Variants in EYS observed in about 807,000 individuals in gnomAD.
EYS encodes EGF-like photoreceptor maintenance factor, also known as protein eyes shut homolog.
In EYS, 250 loss-of-function variants were observed where a neutral mutation model predicts 282.1. That is an observed-to-expected ratio of 0.89 (90% CI 0.80 to 0.98). EYS has a LOEUF of 0.98. Ranked by LOEUF, EYS falls within the 50% of genes least tolerant of loss-of-function variation. EYS has a pLI of 0.00. For synonymous variants in EYS, 1,355 were observed against 1,282.9 expected, an observed-to-expected ratio of 1.06 and a Z score of -1.20; for missense variants, 4,016 against 3,709.0, an observed-to-expected ratio of 1.08 and a Z score of -2.15.
chr6:65,149,481 T>C (rs567956201), intron 12 of EYS, among the ~76,000 whole-genome samples: 6 of 152,124 alleles, frequency 3.9e-5, no homozygotes, highest in Non-Finnish European at 8.8e-5. Flanking sequence ...AACATGTCTC[T>C]AGGAAGTTCC....
intron 8 of EYS, among the ~76,000 whole-genome samples, chr6:65,369,500 A>G (rs1016510222): frequency 1.3e-5 from 2 of 151,118 alleles, no homozygotes; most frequent in Admixed American, 6.8e-5. Flanking sequence ...ATCTCCTGTT[A>G]TTATGGTCTG....
intron 1 of EYS, among the ~76,000 whole-genome samples, chr6:65,643,051 G>A (rs1308612865): frequency 3.3e-5 from 5 of 152,208 alleles, no homozygotes; most frequent in Admixed American, 1.3e-4. Context: ...TGAAGGAACT[G>A]GATTGCTACT....
At chr6:65,437,437 T>C (rs773434363) in intron 5 of EYS, among the ~76,000 whole-genome samples, 8 of 152,158 alleles carry the variant, frequency 5.3e-5, no homozygotes, top group South Asian at 2.1e-4. Flanking sequence ...TTCTTCAGTA[T>C]GCAGTTTTTT....
intron 13 of EYS, among the ~76,000 whole-genome samples, chr6:65,050,855 T>C (rs1376725801): frequency 6.6e-6 from 1 of 151,718 alleles, no homozygotes; most frequent in Non-Finnish European, 1.5e-5. Flanking sequence ...AGAGTGTCCC[T>C]ATCCAGAAAA....
At chr6:64,481,272 GTGTATATA>G (rs1211741020) in intron 26 of EYS, among the ~76,000 whole-genome samples, 2 of 117,214 alleles carry the variant, frequency 1.7e-5, no homozygotes, top group Admixed American at 8.6e-5. Flanking sequence ...TGGTGTGTGT[GTGTATATA>G]TATATATATA....
chr6:64,432,767 T>C (rs539977464), intron 28 of EYS, among the ~76,000 whole-genome samples: 13 of 152,090 alleles, frequency 8.5e-5, no homozygotes, highest in African/African-American at 2.6e-4. Flanking sequence ...TGGTGTTCAA[T>C]AGTGGAGTGA....
At chr6:65,556,826 G>A (rs1342621946) in intron 2 of EYS, among the ~76,000 whole-genome samples, 1 of 151,950 alleles carries the variant, frequency 6.6e-6, no homozygotes, top group Non-Finnish European at 1.5e-5. Context: ...CTTTTCATAT[G>A]AATTCTATAT....
chr6:64,023,868 C>T (rs1042190531), intron 33 of EYS, among the ~76,000 whole-genome samples: 6 of 152,196 alleles, frequency 3.9e-5, no homozygotes, highest in Non-Finnish European at 4.4e-5. Flanking sequence ...GCCCCGCACT[C>T]GTAGTGGCCG....
At chr6:64,744,702 C>T (rs1460748837) in intron 22 of EYS, among the ~76,000 whole-genome samples, 1 of 151,942 alleles carries the variant, frequency 6.6e-6, no homozygotes, top group Non-Finnish European at 1.5e-5. Context: ...AGTGTATACA[C>T]TGAAAAAACA....
At chr6:65,361,002 T>C (rs888110192) in intron 8 of EYS, among the ~76,000 whole-genome samples, 4 of 152,116 alleles carry the variant, frequency 2.6e-5, no homozygotes, top group African/African-American at 9.7e-5. Flanking sequence ...GTTCAAGGAA[T>C]GGTAGGTGAC....
intron 13 of EYS, among the ~76,000 whole-genome samples, chr6:65,036,017 A>G (rs1325332786): frequency 6.6e-6 from 1 of 150,812 alleles, no homozygotes; most frequent in Admixed American, 6.6e-5. Flanking sequence ...GAGCCTGGAT[A>G]GCCAAAGCAA....
intron 1 of EYS, among the ~76,000 whole-genome samples, chr6:65,656,814 A>T (rs1188830472): frequency 6.6e-6 from 1 of 152,036 alleles, no homozygotes; most frequent in East Asian, 1.9e-4. Flanking sequence ...TTCAATGGAA[A>T]CAAAACAGTT....
intron 26 of EYS, among the ~76,000 whole-genome samples, chr6:64,529,623 T>C (rs999968180): frequency 6.6e-6 from 1 of 152,038 alleles, no homozygotes; most frequent in Non-Finnish European, 1.5e-5. Flanking sequence ...ATGAGTATAA[T>C]TATAGTACAT....
At chr6:65,126,725 G>T (rs1775730529) in intron 12 of EYS, among the ~76,000 whole-genome samples, 1 of 152,136 alleles carries the variant, frequency 6.6e-6, no homozygotes, top group Non-Finnish European at 1.5e-5. Flanking sequence ...ATATTTTAGA[G>T]CAGGAAGCTG....
rs10640761 is a variant in EYS, at chr6:64,274,481, G to GTTTTTTTTTTTTTTTT, written c.6191+32473_6191+32488dup. Among the ~76,000 whole-genome samples, 27 of 92,228 alleles carry GTTTTTTTTTTTTTTTT rather than the reference G, an allele frequency of 2.9e-4. 3 individuals carry two copies. The highest frequency in any genetic ancestry group is 1.2e-3 in the African/African-American group (26 of 21,204). 60.5% of individuals were successfully genotyped at this position (92,228 alleles called of 152,430 possible). A position where few individuals can be genotyped will look rare whatever the true frequency, so the allele number is the denominator to read the frequency against. ...CAGGCGCGAGCCACCACGCCTGGCC[G>GTTTTTTTTTTTTTTTT]TTTTTTTTTTTTTTTTTTTTTTACA... On this transcript the variant is annotated intron_variant, in intron 30 of 42. Transcript: ENST00000503581.
chr6:65,085,047 T>C (rs1487644594), intron 12 of EYS, among the ~76,000 whole-genome samples: 1 of 152,148 alleles, frequency 6.6e-6, no homozygotes, highest in Non-Finnish European at 1.5e-5. Context: ...AACTGATTTT[T>C]AGTCTGGGAA....
chr6:65,032,183 TA>T (rs1772626387), intron 13 of EYS, among the ~76,000 whole-genome samples: 1 of 152,088 alleles, frequency 6.6e-6, no homozygotes, highest in Non-Finnish European at 1.5e-5. Context: ...CTCCCAAGAT[TA>T]AACCAGGAAG....
chr6:63,937,634 G>T (rs959381362), intron 35 of EYS, among the ~76,000 whole-genome samples: 9 of 151,840 alleles, frequency 5.9e-5, no homozygotes, highest in African/African-American at 2.2e-4. Flanking sequence ...GCTCGCCTCG[G>T]CCTCCCAAAG....
At chr6:64,207,819 G>A (rs1765654286) in intron 31 of EYS, among the ~76,000 whole-genome samples, 2 of 151,978 alleles carry the variant, frequency 1.3e-5, no homozygotes, top group South Asian at 2.1e-4. Flanking sequence ...CACCACACCC[G>A]GCTAATTTTT....
Sources: gnomAD v4.1 joint callset for allele counts (sites outside exome capture counted in the v4.1 genomes callset) on GRCh38, gnomAD v4.1.1 for gene constraint, MANE v1.5 for transcripts, NCBI Gene and HGNC (gene_info 2026-07-23, HGNC 2026-07-21) for gene names.